HAUS5: variants seen among roughly 807,000 people sequenced by gnomAD.
HAUS5 encodes the protein HAUS augmin-like complex subunit 5.
Under a neutral mutation model 94.1 loss-of-function variants are expected in HAUS5, and 67 were observed. That is an observed-to-expected ratio of 0.71 (90% confidence interval 0.58 to 0.87). The LOEUF is 0.87. Among genes scored for constraint, HAUS5 ranks in the 40% least tolerant of loss-of-function variants. The probability of loss-of-function intolerance (pLI) is 0.00; values close to 1 mark genes in which losing one functional copy is unlikely to be tolerated. For missense variants in HAUS5, 739 were observed against 825.6 expected, an observed-to-expected ratio of 0.90 and a Z score of 1.29; for synonymous variants, 339 against 355.4, an observed-to-expected ratio of 0.95 and a Z score of 0.52.
In HAUS5 at chr19:35,618,066, C is replaced by A. The variant is rs148087224; in HGVS notation, c.697-5C>A. 3.1e-6 allele frequency: 5 copies of A among 1,590,418 alleles called. No individual in the cohort carries two copies. Among genetic ancestry groups the A allele is most frequent in the South Asian group, 2.3e-5 (2 of 87,808 alleles). On this transcript the variant is annotated splice_polypyrimidine_tract_variant and splice_region_variant and intron_variant, in intron 9 of 18. Transcript: ENST00000203166. ...CTGCCCTGACTTCACCCTCCCTCCC[C>A]CTAGACGCTGCTGACAAACCACCCC...
At chr19:35,614,187 C>G in intron 4 of HAUS5, 128 bp downstream of exon 4, 1 of 823,736 alleles carries the variant, frequency 1.2e-6, no homozygotes, top group Non-Finnish European at 2.1e-6. Context: ...GATCTCCATC[C>G]TCATAGGGCT....
chr19:35,620,322 C>G lies in HAUS5; in HGVS notation c.1646C>G (p.Thr549Ser). 1 of 1,612,544 alleles carries G rather than the reference C, an allele frequency of 6.2e-7. No homozygotes were observed. The highest frequency in any genetic ancestry group is 8.5e-7 in the Non-Finnish European group (1 of 1,179,480). ...ACCAGCCTGCCGCCAGGCCTTCCCA[C>G]CCAGGGTAGGTCTGCCCTGCCACCC... The part of the protein sequence containing the change: ...MKTSLPPGLP[T>S]QELLQIQASQ... The change falls in exon 17 of 19, where the codon ACC becomes AGC. Residue 549 changes from threonine (T) to serine (S), a missense_variant. Coordinates refer to ENST00000203166, the MANE Select transcript of HAUS5 (RefSeq NM_015302.2).
intron 17 of HAUS5, 124 bp downstream of exon 17, chr19:35,620,451 A>C: frequency 1.2e-6 from 1 of 823,702 alleles, no homozygotes; most frequent in Non-Finnish European, 1.9e-6. Flanking sequence ...GGCTTTAAAC[A>C]TTCTCCCTTG....
At position 35,617,752 on chromosome 19, in the gene HAUS5, G is replaced by GTCTAACAGA. The variant is rs1599595912; in HGVS notation, c.639-103_639-102insTCTAACAGA. The GTCTAACAGA allele has an allele frequency of 7.1e-6, 7 of 980,632 alleles. No homozygotes were observed. The South Asian group carries it at 9.6e-5, about 13-fold the overall frequency. 60.7% of individuals were successfully genotyped at this position (980,632 alleles called of 1,614,324 possible). A position where few individuals can be genotyped will look rare whatever the true frequency, so the allele number is the denominator to read the frequency against. On this transcript the variant is annotated intron_variant, in intron 8 of 18. Transcript: ENST00000203166. The stretch of plus-strand genomic sequence containing the variant: ...TAATTGGGGAACTCAAGTCTAACAG[G>GTCTAACAGA]CATAGGGAAGATGACAGCCCCTACC...
At chr19:35,619,838 A>T in intron 15 of HAUS5, 80 bp downstream of exon 15, 1 of 1,507,606 alleles carries the variant, frequency 6.6e-7, no homozygotes, top group Non-Finnish European at 8.8e-7. Context: ...CTCAAAAAAG[A>T]TAACCCCAGA....
intron 1 of HAUS5, 141 bp from the exon 2 acceptor site, chr19:35,613,589 A>G: frequency 1.6e-6 from 1 of 628,874 alleles, no homozygotes; most frequent in Non-Finnish European, 2.7e-6. Context: ...AAAAAAAAAA[A>G]AGGCAAAAAA....
At chr19:35,618,370 C>T (rs375254861) in intron 10 of HAUS5, 32 bp from the exon 11 acceptor site, 29 of 1,610,542 alleles carry the variant, frequency 1.8e-5, no homozygotes, top group East Asian at 6.7e-5. Flanking sequence ...GGCCGCAGCA[C>T]GGCTCCCTCA....
In HAUS5 at chr19:35,618,874, A is replaced by G; in HGVS notation, c.1017-13A>G. 1.3e-6 allele frequency: 2 copies of G among 1,593,460 alleles called. No homozygotes were observed. The highest frequency in any genetic ancestry group is 1.7e-6 in the Non-Finnish European group (2 of 1,170,340). On this transcript the variant is annotated splice_polypyrimidine_tract_variant and intron_variant, in intron 12 of 18. Transcript: ENST00000203166. ...ACCCTTCTCTCCTTTGCTCTCCTCC[A>G]CTTGCCCTGCAGGCAGGTGCTGATA...
chr19:35,613,523 T>A, intron 1 of HAUS5: 1 of 581,112 alleles, frequency 1.7e-6, no homozygotes, highest in Admixed American at 3.2e-5. Flanking sequence ...AGGTTGAGGC[T>A]GCAAGGAGCT....
chr19:35,622,584 G>A lies in HAUS5; in HGVS notation c.1652-17G>A. ...GCCAGAGGACTCAAAGCTGCCTCCT[G>A]GCTTTCTCACCCTCAGAGCTGCTGC... On this transcript the variant is annotated splice_polypyrimidine_tract_variant and intron_variant, in intron 17 of 18. Transcript: ENST00000203166. 6.2e-7 allele frequency: 1 copy of A among 1,611,846 alleles called. No homozygotes were observed. Among genetic ancestry groups the A allele is most frequent in the Non-Finnish European group, 8.5e-7 (1 of 1,179,194 alleles).
At chr19:35,613,322 G>A (rs2071911355) in intron 1 of HAUS5, among the ~76,000 whole-genome samples, 1 of 151,948 alleles carries the variant, frequency 6.6e-6, no homozygotes, top group Non-Finnish European at 1.5e-5. Flanking sequence ...ACTCCCAGGA[G>A]AAAGGGAGCA....
At chr19:35,614,338 A>G in intron 4 of HAUS5, 1 of 492,646 alleles carries the variant, frequency 2.0e-6, no homozygotes. Context: ...CAGTACTGGG[A>G]CAAAGATGTG....
chr19:35,620,442 G>T, intron 17 of HAUS5, 115 bp downstream of exon 17: 1 of 890,462 alleles, frequency 1.1e-6, no homozygotes. Context: ...TGTGCTAAGG[G>T]CTTTAAACAT....
At chr19:35,613,687 C>T in intron 1 of HAUS5, 43 bp from the exon 2 acceptor site, 1 of 1,575,366 alleles carries the variant, frequency 6.3e-7, no homozygotes, top group Non-Finnish European at 8.7e-7. Context: ...ATCCCACACC[C>T]TGTGTGCTGC....
chr19:35,618,395 A>AC lies in HAUS5; in HGVS notation c.822-3dup. 1.9e-5 allele frequency: 17 copies of AC among 915,500 alleles called. No individual in the cohort carries two copies. Among genetic ancestry groups the AC allele is most frequent in the Non-Finnish European group, 2.5e-5 (15 of 598,078 alleles). 56.7% of individuals were successfully genotyped at this position (915,500 alleles called of 1,614,324 possible). A position where few individuals can be genotyped will look rare whatever the true frequency, so the allele number is the denominator to read the frequency against. ...CGGCTCCCTCAGCAGCTCTTCCCCCACCCCAGACCCCAGGCCCCGGACCAG... is the reference window on the plus strand; with the variant it reads ...CGGCTCCCTCAGCAGCTCTTCCCCCACCCCCAGACCCCAGGCCCCGGACCAG... On this transcript the variant is annotated splice_region_variant and splice_polypyrimidine_tract_variant and intron_variant, in intron 10 of 18. Coordinates refer to ENST00000203166, the MANE Select transcript of HAUS5 (RefSeq NM_015302.2).
chr19:35,618,826 A>T lies in HAUS5; in HGVS notation c.1017-61A>T, dbSNP rs931216941. 3.3e-6 allele frequency: 5 copies of T among 1,536,696 alleles called. No homozygotes were observed. The African/African-American group carries it at 6.9e-5, about 21-fold the overall frequency. On this transcript the variant is annotated intron_variant, in intron 12 of 18. Coordinates refer to ENST00000203166, the MANE Select transcript of HAUS5 (RefSeq NM_015302.2). ...TCCCTGCAGTGTCTCTCCCTGGTTT[A>T]TGGTCCCTTGTGTGGCTCAGTCACC...
In HAUS5 at chr19:35,615,131, A is replaced by G; in HGVS notation, c.309A>G (p.Arg103=). ...ACCAGAGCCTGGAGCTGATGGAGCG[A>G]GACACTGAGGCTCAGGGTGAGCCAT... ...ELDQSLELME[R]DTEAQDTAME... Residue 103 remains arginine (R), a synonymous_variant, in exon 5 of 19, where the codon CGA becomes CGG. Transcript: ENST00000203166. 1 of 1,610,394 alleles carries G rather than the reference A, an allele frequency of 6.2e-7. No individual in the cohort carries two copies. The highest frequency in any genetic ancestry group is 8.5e-7 in the Non-Finnish European group (1 of 1,178,296).
chr19:35,615,451 C>T lies in HAUS5; in HGVS notation c.485+65C>T, dbSNP rs114690856. 1,010 of 1,302,078 alleles carry T rather than the reference C, an allele frequency of 7.8e-4. 6 individuals are homozygous for T. The African/African-American group carries it at 0.014, about 18-fold the overall frequency. The allele number at this position is 1,302,078 out of a possible 1,614,324, so 80.7% of individuals were successfully genotyped here. ...AGACATTCTCTTAGAGACCTCAGGG[C>T]TCTGCCCTGATCCCTTCTTGGGTTC... On this transcript the variant is annotated intron_variant, in intron 6 of 18. Transcript: ENST00000203166.
intron 1 of HAUS5, 73 bp from the exon 2 acceptor site, chr19:35,613,657 C>T: frequency 7.2e-7 from 1 of 1,391,246 alleles, no homozygotes; most frequent in South Asian, 1.2e-5. Context: ...CTCCCTACCA[C>T]CATCACCCTA....
Sources: gnomAD v4.1 joint callset for allele counts (sites outside exome capture counted in the v4.1 genomes callset) on GRCh38, gnomAD v4.1.1 for gene constraint, MANE v1.5 for transcripts, NCBI Gene and HGNC (gene_info 2026-07-23, HGNC 2026-07-21) for gene names.